The following RBM41 variants were observed in gnomAD, a reference collection of about 807,000 sequenced individuals.
The protein encoded by RBM41 is RNA-binding protein 41.
Under a neutral mutation model 30.8 loss-of-function variants are expected in RBM41, and 14 were observed. That is an observed-to-expected ratio of 0.45 (90% CI 0.30 to 0.71). The LOEUF (loss-of-function observed/expected upper bound fraction) is 0.71, where lower values mean the gene tolerates loss of function less well. Among genes scored for constraint, RBM41 ranks in the 30% least tolerant of loss-of-function variants. The pLI, the probability that RBM41 is intolerant of heterozygous loss-of-function variation, is 0.08. For synonymous variants in RBM41, 120 were observed against 110.1 expected (o/e 1.09, Z -0.56); for missense variants, 276 against 326.3 (o/e 0.85, Z 1.19).
At chrX:107,105,764 G>C (rs1177775834) in intron 5 of RBM41, among the ~76,000 whole-genome samples, 1 of 111,615 alleles carries the variant, frequency 9.0e-6, no homozygotes, top group East Asian at 2.8e-4. Context: ...ACAAGGAATG[G>C]GGAAACGATT....
chrX:107,077,609 CAGAT>C (rs1226751328), intron 6 of RBM41, among the ~76,000 whole-genome samples: 3 of 108,323 alleles, frequency 2.8e-5, no homozygotes, highest in Admixed American at 9.9e-5. Flanking sequence ...CACACACACA[CAGAT>C]AAAGCTAGGT....
chrX:107,115,681 G>C, intron 3 of RBM41, 125 bp from the exon 4 acceptor site: 2 of 859,033 alleles, frequency 2.3e-6, no homozygotes, highest in South Asian at 5.3e-5. Flanking sequence ...TGTTAGCTAA[G>C]AAGTTAAAGA....
In RBM41 at chrX:107,065,834, A is replaced by T; in HGVS notation, c.*1693T>A. 1 of 978,882 alleles carries T rather than the reference A, an allele frequency of 1.0e-6. No homozygotes were observed. Among genetic ancestry groups the T allele is most frequent in the Non-Finnish European group, 1.3e-6 (1 of 748,117 alleles). The allele number at this position is 978,882 out of a possible 1,213,427, so 80.7% of individuals were successfully genotyped here. ...AACTATATACATATTGTTTTATACA[A>T]CTGTGTTTTACATTAGTTAAGAGAA... On this transcript the variant is annotated 3_prime_UTR_variant, in exon 8 of 8. Transcript: ENST00000685964.
At chrX:107,092,557 C>A (rs1187552135) in intron 5 of RBM41, among the ~76,000 whole-genome samples, 1 of 110,339 alleles carries the variant, frequency 9.1e-6, no homozygotes, top group Non-Finnish European at 1.9e-5. Context: ...CCAGCCTGGG[C>A]AACATGGTGA....
rs750551145 is a variant in RBM41 at position 107,064,205 on chromosome X, G to A, written c.*3322C>T. ...TGACCCCATGATCTCCACCCGCCCCGGCCTCCCAAAGTGCTGGGATTACAG... is the reference window on the plus strand; with the variant it reads ...TGACCCCATGATCTCCACCCGCCCCAGCCTCCCAAAGTGCTGGGATTACAG... On this transcript the variant is annotated 3_prime_UTR_variant, in exon 8 of 8. Coordinates refer to ENST00000685964, the MANE Select transcript of RBM41 (RefSeq NM_001324242.2). Among the ~76,000 whole-genome samples the A allele has an allele frequency of 9.1e-5, 10 of 110,184 alleles. No individual in the cohort carries two copies. The East Asian group carries it at 2.0e-3, about 22-fold the overall frequency.
chrX:107,116,093 G>A (rs752412200), intron 2 of RBM41, 39 bp from the exon 3 acceptor site: 35 of 1,076,022 alleles, frequency 3.3e-5, no homozygotes, highest in African/African-American at 7.6e-5. Context: ...ACATCTTGAG[G>A]TTACTATCAT....
chrX:107,096,433 T>C (rs992709624), intron 5 of RBM41, among the ~76,000 whole-genome samples: 3 of 112,351 alleles, frequency 2.7e-5, no homozygotes, highest in African/African-American at 9.7e-5. Flanking sequence ...TGGAACCAAG[T>C]TGAGTGTCCA....
chrX:107,104,595 G>A (rs758068121), intron 5 of RBM41, among the ~76,000 whole-genome samples: 1 of 110,988 alleles, frequency 9.0e-6, no homozygotes, highest in Non-Finnish European at 1.9e-5. Flanking sequence ...TACTTATTAT[G>A]GTATACAGTA....
intron 5 of RBM41, among the ~76,000 whole-genome samples, chrX:107,095,728 A>G (rs773467398): frequency 8.9e-6 from 1 of 111,990 alleles, no homozygotes; most frequent in East Asian, 2.8e-4. Flanking sequence ...AATAAATTCA[A>G]AAGGCTGGGT....
intron 6 of RBM41, among the ~76,000 whole-genome samples, chrX:107,080,160 C>T (rs190625837): frequency 9.0e-6 from 1 of 111,120 alleles, no homozygotes; most frequent in Non-Finnish European, 1.9e-5. Flanking sequence ...AGTAGTTGGA[C>T]TGTGTGGTAA....
downstream of RBM41, among the ~76,000 whole-genome samples, chrX:107,056,894 G>A (rs1336700050): frequency 1.1e-5 from 1 of 91,889 alleles, no homozygotes; most frequent in African/African-American, 4.3e-5. Flanking sequence ...TTTTTTTTGG[G>A]GGGGGCGACA....
At chrX:107,089,556 T>C (rs1025536631) in intron 5 of RBM41, among the ~76,000 whole-genome samples, 1 of 112,262 alleles carries the variant, frequency 8.9e-6, no homozygotes, top group Admixed American at 9.4e-5. Flanking sequence ...GACAGTCACA[T>C]GTGGCTAGTG....
At chrX:107,078,838 GCT>G (rs924439331) in intron 6 of RBM41, among the ~76,000 whole-genome samples, 1 of 109,824 alleles carries the variant, frequency 9.1e-6, no homozygotes, top group African/African-American at 3.3e-5. Context: ...GTCATAGGAA[GCT>G]CTTTCATTTG....
Position 107,063,952 on chromosome X carries a change from C to CTTTT in RBM41, c.*3571_*3574dup, listed in dbSNP as rs1202676973. On this transcript the variant is annotated 3_prime_UTR_variant, in exon 8 of 8. Transcript: ENST00000685964. ...AGGTTAGTGCTATGGTCTTTCTTTTCTTTTTTTTTTTTTTTTTGAGATGGA... is the reference window on the plus strand; with the variant it reads ...AGGTTAGTGCTATGGTCTTTCTTTTCTTTTTTTTTTTTTTTTTTTTTGAGATGGA... Among the ~76,000 whole-genome samples, 1 of 90,911 alleles carries CTTTT rather than the reference C, an allele frequency of 1.1e-5. No homozygotes were observed. Among genetic ancestry groups the CTTTT allele is most frequent in the African/African-American group, 4.1e-5 (1 of 24,367 alleles). The allele number at this position is 90,911 out of a possible 115,157, so 78.9% of individuals were successfully genotyped here.
At chrX:107,108,705 T>G (rs1924215714) in intron 5 of RBM41, among the ~76,000 whole-genome samples, 1 of 111,839 alleles carries the variant, frequency 8.9e-6, no homozygotes, top group African/African-American at 3.2e-5. Flanking sequence ...TTTGTAGCAT[T>G]TCGACTTTCC....
In RBM41 at chrX:107,062,225, T is replaced by C. The variant is rs1398599700; in HGVS notation, c.*5302A>G. 8.9e-6 allele frequency among the ~76,000 whole-genome samples: 1 copy of C among 112,163 alleles called. No individual in the cohort carries two copies. Among genetic ancestry groups the C allele is most frequent in the East Asian group, 2.8e-4 (1 of 3,591 alleles). On this transcript the variant is annotated 3_prime_UTR_variant, in exon 8 of 8. Transcript: ENST00000685964. The stretch of plus-strand genomic sequence containing the variant: ...ATGCATTTAAGATTCATCCAAGTGG[T>C]TGCATGTGTATTTCATTAGTTTATT...
At chrX:107,074,197 ATAT>A (rs1242928583) in intron 6 of RBM41, among the ~76,000 whole-genome samples, 3 of 111,875 alleles carry the variant, frequency 2.7e-5, no homozygotes, top group African/African-American at 6.5e-5. Context: ...TGTTCACTAT[ATAT>A]TATATGTATC....
At chrX:107,098,055 T>C (rs925416258) in intron 5 of RBM41, among the ~76,000 whole-genome samples, 5 of 111,913 alleles carry the variant, frequency 4.5e-5, no homozygotes, top group African/African-American at 1.6e-4. Context: ...GTATAAATTA[T>C]ATACCTCAAT....
intron 5 of RBM41, among the ~76,000 whole-genome samples, chrX:107,092,915 T>A (rs1213272805): frequency 1.8e-5 from 2 of 111,563 alleles, no homozygotes; most frequent in African/African-American, 3.3e-5. Context: ...AATAAGAATT[T>A]TCAGATCATT....
Sources: allele counts gnomAD v4.1 joint callset (sites outside exome capture counted in the v4.1 genomes callset), GRCh38; gene constraint gnomAD v4.1.1; transcripts MANE v1.5; gene names NCBI Gene and HGNC (gene_info 2026-07-23, HGNC 2026-07-21).